Variants in CCDC196 observed in about 807,000 individuals in gnomAD.
The protein encoded by CCDC196 is coiled-coil domain-containing protein 196.
intron 7 of CCDC196, 106 bp from the exon 8 acceptor site, chr14:66,491,947 G>A: frequency 2.5e-6 from 1 of 407,372 alleles, no homozygotes. Context: ...TAAAGACTGA[G>A]CATGATGGAA....
chr14:66,486,866 A>C, intron 2 of CCDC196, 57 bp downstream of exon 2: 1 of 411,880 alleles, frequency 2.4e-6, no homozygotes, highest in Middle Eastern at 6.3e-4. Context: ...CTTGATCTCC[A>C]AAGGACTGGC....
intron 8 of CCDC196, chr14:66,493,023 G>C (rs940019475): frequency 3.3e-5 from 5 of 152,326 alleles, no homozygotes; most frequent in African/African-American, 1.2e-4. Flanking sequence ...AGATGGCTCT[G>C]AGGACAGGGA....
chr14:66,492,298 A>C (rs1336287727), intron 8 of CCDC196, 104 bp downstream of exon 8: 6 of 405,600 alleles, frequency 1.5e-5, no homozygotes, highest in Admixed American at 4.4e-5. Context: ...GGCACACAGT[A>C]AGTTAAATGT....
chr14:66,496,402 A>G (rs2057667610), intron 8 of CCDC196: 1 of 455,482 alleles, frequency 2.2e-6, no homozygotes, highest in African/African-American at 2.0e-5. Flanking sequence ...ACAAATCCCT[A>G]CTTGTGAATT....
At chr14:66,489,171 C>A in intron 4 of CCDC196, 134 bp downstream of exon 4, 1 of 408,194 alleles carries the variant, frequency 2.4e-6, no homozygotes. Flanking sequence ...CCATTCTCTA[C>A]ACAGCAGCCA....
intron 8 of CCDC196, chr14:66,496,400 C>G (rs550778507): frequency 2.2e-5 from 10 of 455,500 alleles, no homozygotes; most frequent in Non-Finnish European, 4.4e-5. Flanking sequence ...CAACAAATCC[C>G]TACTTGTGAA....
At chr14:66,497,072 A>G (rs1276504427) in intron 8 of CCDC196, among the ~76,000 whole-genome samples, 1 of 152,186 alleles carries the variant, frequency 6.6e-6, no homozygotes, top group Non-Finnish European at 1.5e-5. Flanking sequence ...GGAAAATAGT[A>G]GTGTTAAGCT....
In CCDC196 at chr14:66,498,351, A is replaced by G; in HGVS notation, c.775-2A>G. 1 of 408,128 alleles carries G rather than the reference A, an allele frequency of 2.5e-6. No homozygotes were observed. The highest frequency in any genetic ancestry group is 6.3e-4 in the Middle Eastern group (1 of 1,580). 25.3% of individuals were successfully genotyped at this position (408,128 alleles called of 1,614,324 possible). ...CTTTTTCCTCTGTTTTTTCCTGTCT[A>G]GAGAATTCTGGGAACAAAGATCTAC... is the stretch of plus-strand genomic sequence containing the variant. On this transcript the variant is annotated splice_acceptor_variant, in intron 9 of 9. Transcript: ENST00000636229. LOFTEE classifies it high-confidence loss of function.
chr14:66,491,974 G>C (rs1325855441), intron 7 of CCDC196, 79 bp from the exon 8 acceptor site: 2 of 409,852 alleles, frequency 4.9e-6, no homozygotes, highest in African/African-American at 2.1e-5. Context: ...TTTAACTTCT[G>C]GGTAAAGAGG....
intron 8 of CCDC196, among the ~76,000 whole-genome samples, chr14:66,495,025 CAAA>C (rs879892685): frequency 1.0e-4 from 9 of 87,826 alleles, no homozygotes; most frequent in Non-Finnish European, 4.8e-5. Context: ...GACTTCGTAT[CAAA>C]AAAAAAAAAA....
At chr14:66,488,787 TG>T (rs962110445) in intron 3 of CCDC196, among the ~76,000 whole-genome samples, 199 bp from the exon 4 acceptor site, 13 of 152,106 alleles carry the variant, frequency 8.5e-5, no homozygotes, top group African/African-American at 3.1e-4. Flanking sequence ...AACAATAACT[TG>T]GTTTTTTTTT....
rs142167505 is a variant in CCDC196, at chr14:66,490,836, T to C, written c.429+17T>C. 7 of 400,790 alleles carry C rather than the reference T, an allele frequency of 1.7e-5. No homozygotes were observed. The highest frequency in any genetic ancestry group is 2.7e-5 in the Non-Finnish European group (6 of 226,108). The allele number at this position is 400,790 out of a possible 1,614,324, so 24.8% of individuals were successfully genotyped here. A position where few individuals can be genotyped will look rare whatever the true frequency, so the allele number is the denominator to read the frequency against. On this transcript the variant is annotated intron_variant, in intron 5 of 9. Transcript: ENST00000636229. ...GATGGAAAGGCAAGTGGACTGCATG[T>C]ACTTAAAATTTCAAGATTGTCGATG...
In CCDC196 at chr14:66,492,188, T is replaced by C; in HGVS notation, c.709T>C (p.Ser237Pro). The change falls in exon 8 of 10, where the codon TCC becomes CCC. Residue 237 changes from serine (S) to proline (P), a missense_variant. Ser to Pro is a moderately conservative substitution (Grantham distance 74). Transcript: ENST00000636229. ...GCAAGCATTTTTAAATCTTCCTGGG[T>C]CCCAAGGTAGGTAGAATATCCCAGG... ...PMQAFLNLPG[S>P]QGTMGITTMD... 1 of 413,912 alleles carries C rather than the reference T, an allele frequency of 2.4e-6. No individual in the cohort carries two copies. The highest frequency in any genetic ancestry group is 4.4e-6 in the Non-Finnish European group (1 of 226,242). The allele number at this position is 413,912 out of a possible 1,614,324, so 25.6% of individuals were successfully genotyped here. A position where few individuals can be genotyped will look rare whatever the true frequency, so the allele number is the denominator to read the frequency against.
chr14:66,490,907 T>C lies in CCDC196; in HGVS notation c.429+88T>C, dbSNP rs578068991. On this transcript the variant is annotated intron_variant, in intron 5 of 9. Transcript: ENST00000636229. The stretch of plus-strand genomic sequence containing the variant: ...TGCTGACAATCAGGGCTAATTTGGG[T>C]AGGCAGATAGGTAGGATCTGGGTTT... The C allele has an allele frequency of 1.7e-3, 696 of 410,534 alleles. 5 individuals are homozygous for C. The highest frequency in any genetic ancestry group is 0.013 in the African/African-American group (643 of 48,744). The allele number at this position is 410,534 out of a possible 1,614,324, so 25.4% of individuals were successfully genotyped here.
At position 66,491,619 on chromosome 14, in the gene CCDC196, C is replaced by T. The variant is rs1358072357; in HGVS notation, c.514-7C>T. 1 of 413,774 alleles carries T rather than the reference C, an allele frequency of 2.4e-6. No homozygotes were observed. Among genetic ancestry groups the T allele is most frequent in the Non-Finnish European group, 4.4e-6 (1 of 226,248 alleles). 25.6% of individuals were successfully genotyped at this position (413,774 alleles called of 1,614,324 possible). ...CTTTGTCACCCAGAGGCTCTTTCTT[C>T]CACCAGGAAAAGCAACAGAGGAAAA... On this transcript the variant is annotated splice_region_variant and splice_polypyrimidine_tract_variant and intron_variant, in intron 6 of 9. Transcript: ENST00000636229.
intron 8 of CCDC196, chr14:66,492,687 C>T (rs953102840): frequency 1.3e-5 from 2 of 152,560 alleles, no homozygotes; most frequent in Non-Finnish European, 2.9e-5. Flanking sequence ...GGCAAAGATT[C>T]TCTCTGGGAG....
At chr14:66,487,217 T>G (rs1383708396) in intron 2 of CCDC196, among the ~76,000 whole-genome samples, 2 of 152,176 alleles carry the variant, frequency 1.3e-5, no homozygotes. Flanking sequence ...CCCTCTGAAT[T>G]AGGGCACAGC....
chr14:66,486,884 A>G (rs2057413652), intron 2 of CCDC196, 75 bp downstream of exon 2: 1 of 410,526 alleles, frequency 2.4e-6, no homozygotes, highest in East Asian at 3.6e-5. Context: ...GGCAATAATT[A>G]CTTACAATTT....
intron 8 of CCDC196, chr14:66,496,214 G>A (rs1380137814): frequency 2.2e-6 from 1 of 455,712 alleles, no homozygotes; most frequent in South Asian, 1.6e-5. Context: ...GTAAATCAGG[G>A]TACAGGCTTT....
Sources: allele counts gnomAD v4.1 joint callset (sites outside exome capture counted in the v4.1 genomes callset), GRCh38; gene constraint gnomAD v4.1.1; transcripts MANE v1.5; gene names NCBI Gene and HGNC (gene_info 2026-07-23, HGNC 2026-07-21).